Variants in PARVB observed in about 807,000 individuals in gnomAD.
PARVB encodes the protein parvin beta.
Under a neutral mutation model 47.0 loss-of-function variants are expected in PARVB, and 46 were observed. The ratio of observed to expected loss-of-function variants is 0.98; its 90% CI spans 0.77 to 1.25. PARVB has a LOEUF of 1.25. Ranked by LOEUF, PARVB falls within the 50% of genes most tolerant of loss-of-function variation. PARVB has a pLI of 0.00. For missense variants in PARVB, 473 were observed against 471.6 expected, an observed-to-expected ratio of 1.00 and a Z score of -0.03; for synonymous variants, 196 against 196.3, an observed-to-expected ratio of 1.00 and a Z score of 0.01.
upstream of PARVB, among the ~76,000 whole-genome samples, chr22:44,023,504 A>G (rs2050676013): frequency 6.6e-6 from 1 of 150,772 alleles, no homozygotes; most frequent in Non-Finnish European, 1.5e-5. Context: ...AAGCAAGACT[A>G]CGTCTAAAAA....
At chr22:44,141,740 G>C (rs2053555741) in intron 8 of PARVB, 1 of 152,188 alleles carries the variant, frequency 6.6e-6, no homozygotes, top group Non-Finnish European at 1.5e-5. Flanking sequence ...GTCCCCCCTA[G>C]GCTTTCTTTA....
chr22:44,030,516 T>C (rs1302530571), intron 1 of PARVB, among the ~76,000 whole-genome samples: 1 of 152,024 alleles, frequency 6.6e-6, no homozygotes, highest in Non-Finnish European at 1.5e-5. Flanking sequence ...CTTGGAACCC[T>C]TGCTGGGGCT....
chr22:44,043,379 T>G (rs894612064), intron 1 of PARVB, among the ~76,000 whole-genome samples: 26 of 152,052 alleles, frequency 1.7e-4, no homozygotes, highest in Admixed American at 5.9e-4. Flanking sequence ...CTTATTTATT[T>G]ATTTATTTAT....
At chr22:44,154,521 A>G (rs556559523) in intron 10 of PARVB, among the ~76,000 whole-genome samples, 11 of 132,336 alleles carry the variant, frequency 8.3e-5, no homozygotes, top group African/African-American at 2.7e-4. Context: ...TGTGTGGTTT[A>G]TGTAGTCTGG....
chr22:44,084,981 C>T (rs957138763), intron 1 of PARVB, among the ~76,000 whole-genome samples: 1 of 152,400 alleles, frequency 6.6e-6, no homozygotes, highest in Non-Finnish European at 1.5e-5. Flanking sequence ...GAGCCTCCCT[C>T]TGTCTCCTCC....
chr22:44,103,270 A>G lies in PARVB; in HGVS notation c.273+3147A>G, dbSNP rs948207113. 6.6e-6 allele frequency: 1 copy of G among 152,242 alleles called. No homozygotes were observed. The highest frequency in any genetic ancestry group is 1.5e-5 in the Non-Finnish European group (1 of 68,068). The allele number at this position is 152,242 out of a possible 1,614,324, so 9.4% of individuals were successfully genotyped here. On this transcript the variant is annotated intron_variant, in intron 3 of 12. Transcript: ENST00000338758. The surrounding 1 kb of genome is among the most constrained non-coding windows in gnomAD (Gnocchi z 4.6). ...TATGGGGCAAAATACAACTAAGAACAGGAAGGAGCTGAGGAATAAATGCCT... is the reference window on the plus strand; with the variant it reads ...TATGGGGCAAAATACAACTAAGAACGGGAAGGAGCTGAGGAATAAATGCCT...
chr22:44,128,220 C>T (rs28585408), intron 4 of PARVB, among the ~76,000 whole-genome samples: 9,001 of 152,220 alleles, frequency 0.059, 861 homozygotes, highest in African/African-American at 0.2. Flanking sequence ...GTGAGGTGCC[C>T]GTGCTGTGGG....
chr22:44,037,937 TCCAGCCCAGC>T (rs144173767), intron 1 of PARVB, among the ~76,000 whole-genome samples: 1 of 152,094 alleles, frequency 6.6e-6, no homozygotes, highest in Non-Finnish European at 1.5e-5. Context: ...CCAGCGCCTG[TCCAGCCCAGC>T]CCAGCCCAGC....
intron 1 of PARVB, among the ~76,000 whole-genome samples, chr22:44,076,129 G>A (rs868076715): frequency 1.3e-5 from 2 of 152,256 alleles, no homozygotes; most frequent in Non-Finnish European, 1.5e-5. Flanking sequence ...AGGCCAGAGC[G>A]CTCAGCCCCT....
At chr22:44,094,368 CGCCACGCCACACCATGCCAA>C (rs2052247769) in intron 2 of PARVB, among the ~76,000 whole-genome samples, 1 of 151,890 alleles carries the variant, frequency 6.6e-6, no homozygotes, top group Non-Finnish European at 1.5e-5. Flanking sequence ...CGCCATGCCA[CGCCACGCCACACCATGCCAA>C]GCCACGCCAC....
upstream of PARVB, chr22:44,024,251 C>A (rs1332822367): frequency 7.3e-5 from 48 of 660,466 alleles, no homozygotes; most frequent in African/African-American, 8.7e-4. Flanking sequence ...GGGCGGGGGC[C>A]GGCGGCGGGG....
intron 6 of PARVB, among the ~76,000 whole-genome samples, chr22:44,135,005 A>G (rs1345198888): frequency 6.6e-6 from 1 of 152,212 alleles, no homozygotes; most frequent in Non-Finnish European, 1.5e-5. Context: ...GAGAATCAGG[A>G]TAAATGTCAC....
intron 4 of PARVB, among the ~76,000 whole-genome samples, chr22:44,128,090 T>C (rs2053228921): frequency 6.6e-6 from 1 of 152,132 alleles, no homozygotes; most frequent in East Asian, 1.9e-4. Flanking sequence ...GCCGAATCCC[T>C]CTTCTTGAGA....
intron 2 of PARVB, among the ~76,000 whole-genome samples, chr22:44,001,885 T>G (rs1048018901): frequency 6.6e-6 from 1 of 152,236 alleles, no homozygotes; most frequent in African/African-American, 2.4e-5. Flanking sequence ...TTGAGACATA[T>G]GAGCCCCTGT....
At chr22:44,025,377 C>G (rs533037818) in intron 1 of PARVB, among the ~76,000 whole-genome samples, 74 of 152,256 alleles carry the variant, frequency 4.9e-4, no homozygotes, top group Middle Eastern at 3.4e-3. Flanking sequence ...CATTTCTTCC[C>G]TGGGACTCTT....
chr22:44,010,605 G>A lies in PARVB; in HGVS notation c.211+10932G>A, dbSNP rs2050512147. On this transcript the variant is annotated intron_variant, in intron 2 of 13. Coordinates refer to the PARVB transcript ENST00000406477. Reference sequence around the variant, plus strand: ...CTTAGAGTTCAGAACAACAGAATCTGAATCACTGTTGTTTTCAAACATCGG... The same window carrying A: ...CTTAGAGTTCAGAACAACAGAATCTAAATCACTGTTGTTTTCAAACATCGG... 2.6e-5 allele frequency: 4 copies of A among 152,312 alleles called. No individual in the cohort carries two copies. In the South Asian group the frequency reaches 8.3e-4, roughly 32 times the overall value. The allele number at this position is 152,312 out of a possible 1,614,324, so 9.4% of individuals were successfully genotyped here. A position where few individuals can be genotyped will look rare whatever the true frequency, so the allele number is the denominator to read the frequency against.
intron 1 of PARVB, among the ~76,000 whole-genome samples, chr22:44,070,409 T>G (rs1200566903): frequency 1.3e-5 from 2 of 152,198 alleles, no homozygotes; most frequent in African/African-American, 4.8e-5. Flanking sequence ...CCTTCCCCAC[T>G]TTTGTGGAAT....
intron 2 of PARVB, among the ~76,000 whole-genome samples, chr22:44,016,245 T>C (rs879314615): frequency 1.0e-3 from 158 of 152,054 alleles, no homozygotes; most frequent in African/African-American, 2.8e-3. Flanking sequence ...TACAGGCACC[T>C]GCCACCAGGC....
chr22:44,003,749 T>C (rs1300368609), intron 2 of PARVB, among the ~76,000 whole-genome samples: 1 of 152,206 alleles, frequency 6.6e-6, no homozygotes, highest in Non-Finnish European at 1.5e-5. Context: ...TGTTCGCTTA[T>C]TCGTTCCTCC....
Sources: gnomAD v4.1 joint callset for allele counts (sites outside exome capture counted in the v4.1 genomes callset) on GRCh38, gnomAD v4.1.1 for gene constraint, Gnocchi (gnomAD v3.1) non-coding constraint, MANE v1.5 for transcripts, NCBI Gene and HGNC (gene_info 2026-07-23, HGNC 2026-07-21) for gene names.